The following RSF1 variants were observed in gnomAD, a reference collection of about 807,000 sequenced individuals.
The protein encoded by RSF1 is HBV pX-associated protein 8.
Under a neutral mutation model 145.2 loss-of-function variants are expected in RSF1, and 13 were observed. The ratio of observed to expected loss-of-function variants is 0.09; its 90% CI spans 0.06 to 0.14. The LOEUF (loss-of-function observed/expected upper bound fraction) is 0.14. Ranked by LOEUF, RSF1 falls within the 10% of genes least tolerant of loss-of-function variation. The pLI is 1.00. For missense variants in RSF1, 1,517 were observed against 1,718.2 expected (o/e 0.88, Z 2.07); for synonymous variants, 577 against 592.6 (o/e 0.97, Z 0.38).
At chr11:77,823,229 A>AG (rs1001958387), upstream of RSF1, among the ~76,000 whole-genome samples, 2 of 151,278 alleles carry the variant, frequency 1.3e-5, no homozygotes, top group African/African-American at 4.9e-5. Flanking sequence ...AAAAAAAAAA[A>AG]AAAAAGAAAT....
chr11:77,700,827 C>T lies in RSF1; in HGVS notation c.2402G>A (p.Gly801Glu). Residue 801 changes from glycine to glutamate, a missense_variant, in exon 6 of 16, where the codon GGG becomes GAG. Gly to Glu is a moderately conservative substitution (Grantham distance 98, BLOSUM62 -2). Coordinates refer to ENST00000308488, the MANE Select transcript of RSF1 (RefSeq NM_016578.4). The part of the protein sequence containing the change: ...IRDQKADKKR[G>E]EGEDEVEEES... ...TTCTTCCACCTCATCTTCTCCTTCC[C>T]CTCTTTTTTTATCAGCTTTCTGATC... The T allele has an allele frequency of 1.9e-6, 3 of 1,613,164 alleles. No individual in the cohort carries two copies. Among genetic ancestry groups the T allele is most frequent in the Non-Finnish European group, 2.5e-6 (3 of 1,179,974 alleles).
chr11:77,720,777 T>C (rs1399953000), intron 5 of RSF1, among the ~76,000 whole-genome samples: 2 of 152,122 alleles, frequency 1.3e-5, no homozygotes, highest in Non-Finnish European at 2.9e-5. Flanking sequence ...CAAAAGCATC[T>C]AGATGATCTG....
intron 7 of RSF1, among the ~76,000 whole-genome samples, chr11:77,694,187 T>A (rs1025726107): frequency 6.6e-6 from 1 of 152,216 alleles, no homozygotes; most frequent in Non-Finnish European, 1.5e-5. Flanking sequence ...TCATTCAGTA[T>A]ATAGTCATAA....
At chr11:77,703,262 C>T (rs190678426) in intron 5 of RSF1, 30 of 152,170 alleles carry the variant, frequency 2.0e-4, no homozygotes, top group Admixed American at 7.9e-4. Flanking sequence ...CTTCTTTATA[C>T]CTTATTGGCT....
intron 15 of RSF1, 133 bp from the exon 16 acceptor site, chr11:77,667,624 T>G: frequency 2.8e-6 from 2 of 725,826 alleles, no homozygotes; most frequent in Non-Finnish European, 2.2e-6. Flanking sequence ...TTTCAATAAT[T>G]GGCCTGATTT....
chr11:77,743,763 T>C (rs1295651322), intron 3 of RSF1, among the ~76,000 whole-genome samples: 1 of 152,190 alleles, frequency 6.6e-6, no homozygotes, highest in African/African-American at 2.4e-5. Context: ...TGAATGTAAG[T>C]GGCAAGTGGG....
intron 5 of RSF1, among the ~76,000 whole-genome samples, chr11:77,711,433 C>T (rs544287913): frequency 6.6e-6 from 1 of 152,208 alleles, no homozygotes; most frequent in South Asian, 2.1e-4. Flanking sequence ...ACTGTGGAGG[C>T]CGAGGCGAGC....
At chr11:77,857,643 A>C in the RSF1 span, among the ~76,000 whole-genome samples, 2 of 150,962 alleles carry the variant, frequency 1.3e-5, no homozygotes, top group African/African-American at 4.9e-5. Context: ...GGTTTGTTAC[A>C]TAGGTATACA....
intron 1 of RSF1, among the ~76,000 whole-genome samples, chr11:77,798,359 TG>T (rs1374708369): frequency 2.6e-5 from 4 of 151,150 alleles, no homozygotes; most frequent in Non-Finnish European, 5.9e-5. Flanking sequence ...CCAAGGTGGG[TG>T]GATCAACTGA....
chr11:77,821,755 A>G (rs1488379159), upstream of RSF1, among the ~76,000 whole-genome samples: 2 of 152,180 alleles, frequency 1.3e-5, no homozygotes, highest in African/African-American at 4.8e-5. Context: ...ATTCCCACAA[A>G]GAACGCCAGA....
chr11:77,711,221 A>C (rs1412167455), intron 5 of RSF1, among the ~76,000 whole-genome samples: 1 of 151,754 alleles, frequency 6.6e-6, no homozygotes, highest in Non-Finnish European at 1.5e-5. Context: ...TAGCTTACCT[A>C]TTATTTGCAT....
chr11:77,869,360 TGGAGTGCAGTG>T, the RSF1 span, among the ~76,000 whole-genome samples: 1 of 143,884 alleles, frequency 7.0e-6, no homozygotes, highest in African/African-American at 2.6e-5. Context: ...TTGCCCAGGA[TGGAGTGCAGTG>T]GTGCAGTCAT....
At chr11:77,821,440 G>A (rs551179867), upstream of RSF1, among the ~76,000 whole-genome samples, 121 of 152,252 alleles carry the variant, frequency 7.9e-4, no homozygotes, top group Non-Finnish European at 1.5e-3. Context: ...GTTTGCCGAC[G>A]GGGTATTGCT....
At chr11:77,869,731 G>C in the RSF1 span, 70 of 1,613,684 alleles carry the variant, frequency 4.3e-5, no homozygotes, top group Non-Finnish European at 5.5e-5. Context: ...GCATTCTCCT[G>C]GTGTGCAGCC....
chr11:77,823,068 G>A (rs11237306), upstream of RSF1, among the ~76,000 whole-genome samples: 1 of 151,978 alleles, frequency 6.6e-6, no homozygotes, highest in East Asian at 1.9e-4. Context: ...CAAAAAATTA[G>A]CCGGGCGTGG....
the RSF1 span, among the ~76,000 whole-genome samples, chr11:77,863,965 C>T: frequency 1.3e-5 from 2 of 151,056 alleles, no homozygotes; most frequent in African/African-American, 2.4e-5. Context: ...TCACTCTTTT[C>T]GCCCAGGCTG....
At chr11:77,805,952 G>A (rs962119761) in intron 1 of RSF1, among the ~76,000 whole-genome samples, 2 of 152,146 alleles carry the variant, frequency 1.3e-5, no homozygotes, top group Non-Finnish European at 2.9e-5. Context: ...AAAACACTTT[G>A]CATCAATCCA....
At chr11:77,697,554 A>G (rs1179712996) in intron 7 of RSF1, among the ~76,000 whole-genome samples, 1 of 143,198 alleles carries the variant, frequency 7.0e-6, no homozygotes, top group Non-Finnish European at 1.5e-5. Flanking sequence ...TATATATATA[A>G]TAGATTAGAT....
At chr11:77,796,574 A>G (rs993515616) in intron 1 of RSF1, among the ~76,000 whole-genome samples, 2 of 152,218 alleles carry the variant, frequency 1.3e-5, no homozygotes, top group African/African-American at 4.8e-5. Context: ...CAAAAACTGG[A>G]AGCATTCTCT....
Sources: allele counts gnomAD v4.1 joint callset (sites outside exome capture counted in the v4.1 genomes callset), GRCh38; gene constraint gnomAD v4.1.1; transcripts MANE v1.5; gene names NCBI Gene and HGNC (gene_info 2026-07-23, HGNC 2026-07-21).